The following AKAP6 variants were observed in gnomAD, a reference collection of about 807,000 sequenced individuals.
AKAP6 encodes A-kinase anchor protein 6.
Under a neutral mutation model 188.5 loss-of-function variants are expected in AKAP6, and 58 were observed. The ratio of observed to expected loss-of-function variants is 0.31; its 90% CI spans 0.25 to 0.38. The LOEUF is 0.38. Ranked by LOEUF, AKAP6 falls within the 10% of genes least tolerant of loss-of-function variation. AKAP6 has a pLI of 1.00. For missense variants in AKAP6, 2,710 were observed against 2,740.0 expected, an observed-to-expected ratio of 0.99 and a Z score of 0.24; for synonymous variants, 989 against 998.6, an observed-to-expected ratio of 0.99 and a Z score of 0.18.
chr14:32,811,481 A>G (rs2034233377), intron 12 of AKAP6, among the ~76,000 whole-genome samples: 1 of 152,134 alleles, frequency 6.6e-6, no homozygotes, highest in Non-Finnish European at 1.5e-5. Flanking sequence ...AAGACACAAG[A>G]GGCTCTCAAT....
chr14:32,440,810 C>T (rs943727811), intron 2 of AKAP6, among the ~76,000 whole-genome samples: 3 of 152,126 alleles, frequency 2.0e-5, no homozygotes, highest in Non-Finnish European at 2.9e-5. Flanking sequence ...AGGATGGTAA[C>T]ATTTATTATT....
chr14:32,661,465 A>G (rs1464783846), intron 7 of AKAP6, among the ~76,000 whole-genome samples: 2 of 152,096 alleles, frequency 1.3e-5, no homozygotes, highest in Non-Finnish European at 1.5e-5. Flanking sequence ...GCACACTGCC[A>G]AAGGTGCAGA....
At chr14:32,410,715 T>C (rs1024752906) in intron 1 of AKAP6, among the ~76,000 whole-genome samples, 10 of 152,236 alleles carry the variant, frequency 6.6e-5, no homozygotes, top group Non-Finnish European at 1.3e-4. Flanking sequence ...TAGATATTTA[T>C]GGGGTAAAGT....
chr14:32,511,498 C>T (rs985962894), intron 2 of AKAP6, among the ~76,000 whole-genome samples: 3 of 151,884 alleles, frequency 2.0e-5, no homozygotes, highest in Non-Finnish European at 4.4e-5. Context: ...GCCTCAGCCT[C>T]CAAAGTAGCT....
chr14:32,674,157 A>C (rs1889333800), intron 7 of AKAP6, among the ~76,000 whole-genome samples: 1 of 152,182 alleles, frequency 6.6e-6, no homozygotes, highest in African/African-American at 2.4e-5. Context: ...AAGAACTAGA[A>C]TGTTTAAAGT....
intron 2 of AKAP6, among the ~76,000 whole-genome samples, chr14:32,502,978 A>G (rs923656268): frequency 1.1e-4 from 17 of 152,164 alleles, no homozygotes; most frequent in Admixed American, 5.2e-4. Context: ...GTCAATATAT[A>G]TAGTATATGC....
intron 2 of AKAP6, chr14:32,473,995 T>G (rs1285521274): frequency 6.6e-6 from 1 of 152,330 alleles, no homozygotes; most frequent in African/African-American, 2.4e-5. Context: ...CCTCCTGGGT[T>G]CAAGCGATTC....
chr14:32,348,436 A>ATTTTTC (rs1566456302), intron 1 of AKAP6, among the ~76,000 whole-genome samples: 1 of 79,848 alleles, frequency 1.3e-5, no homozygotes, highest in Admixed American at 1.4e-4. Flanking sequence ...TTTTTTTTTT[A>ATTTTTC]AGAGTTTTGC....
At chr14:32,360,355 T>C (rs578157322) in intron 1 of AKAP6, among the ~76,000 whole-genome samples, 1 of 152,224 alleles carries the variant, frequency 6.6e-6, no homozygotes, top group East Asian at 1.9e-4. Context: ...CTTAAACTTC[T>C]TACCTCAGGG....
intron 9 of AKAP6, among the ~76,000 whole-genome samples, chr14:32,711,859 T>G (rs777946063): frequency 2.6e-5 from 4 of 151,970 alleles, no homozygotes; most frequent in Non-Finnish European, 5.9e-5. Context: ...ATTATTCTTA[T>G]CCTCTCAGGC....
At chr14:32,388,053 C>G (rs1277008170) in intron 1 of AKAP6, among the ~76,000 whole-genome samples, 1 of 151,764 alleles carries the variant, frequency 6.6e-6, no homozygotes, top group Non-Finnish European at 1.5e-5. Context: ...GGGTATCTAA[C>G]TCTTCCTGAT....
chr14:32,708,439 G>C (rs1890905399), intron 9 of AKAP6, among the ~76,000 whole-genome samples: 1 of 151,876 alleles, frequency 6.6e-6, no homozygotes, highest in Non-Finnish European at 1.5e-5. Context: ...GAGAAAGAGA[G>C]AGAGTAAAAG....
chr14:32,338,558 G>A (rs1265288832), intron 1 of AKAP6, among the ~76,000 whole-genome samples: 6 of 152,078 alleles, frequency 3.9e-5, no homozygotes, highest in Admixed American at 3.9e-4. Context: ...GGAATAGGCA[G>A]TACCATGAGA....
intron 2 of AKAP6, among the ~76,000 whole-genome samples, chr14:32,452,648 GA>G (rs200017295): frequency 0.036 from 5,444 of 150,408 alleles, 120 homozygotes; most frequent in East Asian, 0.1. Flanking sequence ...TGTTTCTACA[GA>G]AAAAAAAAGA....
At chr14:32,571,874 T>A (rs964563550) in intron 4 of AKAP6, among the ~76,000 whole-genome samples, 2 of 152,238 alleles carry the variant, frequency 1.3e-5, no homozygotes, top group African/African-American at 4.8e-5. Flanking sequence ...GTAACGCCCT[T>A]AAATTTTTCA....
chr14:32,455,335 T>C (rs1455503020), intron 2 of AKAP6, among the ~76,000 whole-genome samples: 4 of 152,142 alleles, frequency 2.6e-5, no homozygotes, highest in Non-Finnish European at 5.9e-5. Flanking sequence ...TTAAAGAGTT[T>C]TGCTTTTTAA....
chr14:32,750,471 T>C (rs2032080913), intron 11 of AKAP6, among the ~76,000 whole-genome samples: 1 of 152,070 alleles, frequency 6.6e-6, no homozygotes, highest in African/African-American at 2.4e-5. Flanking sequence ...CTTGTAATCA[T>C]AGCACTTTCG....
At chr14:32,329,848 G>T (rs1566445971) in intron 1 of AKAP6, among the ~76,000 whole-genome samples, 1 of 152,126 alleles carries the variant, frequency 6.6e-6, no homozygotes, top group East Asian at 1.9e-4. Context: ...ATTTACCTCG[G>T]TTGGGTTTCA....
intron 9 of AKAP6, among the ~76,000 whole-genome samples, chr14:32,718,059 G>A (rs1431220840): frequency 1.3e-5 from 2 of 152,092 alleles, no homozygotes; most frequent in East Asian, 3.9e-4. Context: ...CTTCTGGACT[G>A]AGATCTAAAG....
Sources: gnomAD v4.1 joint callset for allele counts (sites outside exome capture counted in the v4.1 genomes callset) on GRCh38, gnomAD v4.1.1 for gene constraint, MANE v1.5 for transcripts, NCBI Gene and HGNC (gene_info 2026-07-23, HGNC 2026-07-21) for gene names.